Variants in SPRED2 observed in about 807,000 individuals in gnomAD.
The protein encoded by SPRED2 is sprouty related EVH1 domain containing 2, also known as sprouty-related, EVH1 domain-containing protein 2.
Under a neutral mutation model 43.0 loss-of-function variants are expected in SPRED2, and 47 were observed. That is an observed-to-expected ratio of 1.09 (90% confidence interval 0.87 to 1.40). SPRED2 has a LOEUF of 1.40. Among genes scored for constraint, SPRED2 ranks in the 40% most tolerant of loss-of-function variants. The pLI is 0.00. For synonymous variants in SPRED2, 225 were observed against 225.7 expected, an observed-to-expected ratio of 1.00 and a Z score of 0.03; for missense variants, 561 against 586.4, an observed-to-expected ratio of 0.96 and a Z score of 0.45.
Position 65,314,183 on chromosome 2 carries a change from G to C in SPRED2, c.589-14C>G, listed in dbSNP as rs1032047486. 3 of 1,560,934 alleles carry C rather than the reference G, an allele frequency of 1.9e-6. No individual in the cohort carries two copies. Among genetic ancestry groups the C allele is most frequent in the Non-Finnish European group, 1.7e-6 (2 of 1,149,456 alleles). On this transcript the variant is annotated splice_polypyrimidine_tract_variant and intron_variant, in intron 5 of 5. Transcript: ENST00000356388. ...CCTTGGCATCGGCTGTCCCGTAGGA[G>C]AGGAGACATTATTTTACAGCAGCGG...
chr2:65,388,359 A>T (rs1675551088), intron 1 of SPRED2, among the ~76,000 whole-genome samples: 1 of 152,190 alleles, frequency 6.6e-6, no homozygotes, highest in South Asian at 2.1e-4. Flanking sequence ...AATGACGGTG[A>T]GGTCATGCCA....
At chr2:65,358,362 T>C (rs539129688) in intron 1 of SPRED2, among the ~76,000 whole-genome samples, 1 of 152,338 alleles carries the variant, frequency 6.6e-6, no homozygotes, top group East Asian at 1.9e-4. Flanking sequence ...AGATTCTCTT[T>C]AGCCACATGG....
chr2:65,378,745 C>T (rs1157493966), intron 1 of SPRED2, among the ~76,000 whole-genome samples: 1 of 152,204 alleles, frequency 6.6e-6, no homozygotes, highest in Admixed American at 6.5e-5. Flanking sequence ...CATTGGTTCT[C>T]AAATGTGGCT....
intron 2 of SPRED2, among the ~76,000 whole-genome samples, chr2:65,338,778 G>T (rs1180719213): frequency 6.6e-6 from 1 of 151,520 alleles, no homozygotes; most frequent in Non-Finnish European, 1.5e-5. Context: ...GATGTGAGGA[G>T]CCCCTCTGCC....
intron 1 of SPRED2, 130 bp downstream of exon 1, chr2:65,431,832 G>A (rs1676703495): frequency 1.8e-6 from 2 of 1,136,940 alleles, no homozygotes; most frequent in East Asian, 2.4e-5. Flanking sequence ...GCGTCCCAAC[G>A]CCGAAAGGTC....
chr2:65,345,450 T>C (rs1368461266), intron 1 of SPRED2, among the ~76,000 whole-genome samples: 1 of 151,996 alleles, frequency 6.6e-6, no homozygotes, highest in Non-Finnish European at 1.5e-5. Context: ...TTAGTAGAGA[T>C]GGGGTTTCAC....
At chr2:65,414,518 T>C (rs1676229042) in intron 1 of SPRED2, among the ~76,000 whole-genome samples, 1 of 152,222 alleles carries the variant, frequency 6.6e-6, no homozygotes, top group Non-Finnish European at 1.5e-5. Flanking sequence ...TGGAGGAGTC[T>C]TTCTTCAACC....
In SPRED2 at chr2:65,313,320, G is replaced by C; in HGVS notation, c.*181C>G. 1 of 1,446,002 alleles carries C rather than the reference G, an allele frequency of 6.9e-7. No individual in the cohort carries two copies. The highest frequency in any genetic ancestry group is 9.0e-7 in the Non-Finnish European group (1 of 1,107,196). The allele number at this position is 1,446,002 out of a possible 1,614,324, so 89.6% of individuals were successfully genotyped here. A position where few individuals can be genotyped will look rare whatever the true frequency, so the allele number is the denominator to read the frequency against. On this transcript the variant is annotated 3_prime_UTR_variant, in exon 6 of 6. Transcript: ENST00000356388. ...GCTGCTGCAGTGTGGGCGGCAGGGG[G>C]AGTGGAGAGTCTACCCGGCAGCGTC...
chr2:65,426,266 G>T (rs1023926115), intron 1 of SPRED2, among the ~76,000 whole-genome samples: 1 of 152,206 alleles, frequency 6.6e-6, no homozygotes, highest in East Asian at 1.9e-4. Flanking sequence ...GAGGCTCAAT[G>T]TGAACATGGT....
At chr2:65,372,372 A>C (rs1675145328) in intron 1 of SPRED2, among the ~76,000 whole-genome samples, 1 of 152,194 alleles carries the variant, frequency 6.6e-6, no homozygotes, top group South Asian at 2.1e-4. Context: ...AGAATCCAAA[A>C]TACATTAGAA....
intron 2 of SPRED2, among the ~76,000 whole-genome samples, chr2:65,342,165 C>CGT (rs1558659945): frequency 7.4e-5 from 11 of 147,666 alleles, no homozygotes; most frequent in African/African-American, 2.2e-4. Flanking sequence ...ATTTTATATA[C>CGT]ATATATTATG....
Position 65,402,524 on chromosome 2 carries a change from A to T in SPRED2, c.26+29438T>A, listed in dbSNP as rs146489164. Among the ~76,000 whole-genome samples, 18 of 152,284 alleles carry T rather than the reference A, an allele frequency of 1.2e-4. 1 individual carries two copies. The East Asian group carries it at 3.3e-3, about 28-fold the overall frequency. On this transcript the variant is annotated intron_variant, in intron 1 of 5. Transcript: ENST00000356388. ...GCCAGGCTGGAGAAATCAATCTGAG[A>T]GTCATCTGCACACAGATGGGATGTG...
Position 65,348,034 on chromosome 2 carries a change from C to T in SPRED2, c.27-3138G>A, listed in dbSNP as rs950452595. Among the ~76,000 whole-genome samples the T allele has an allele frequency of 4.6e-5, 7 of 152,048 alleles. 1 individual carries two copies. The highest frequency in any genetic ancestry group is 1.0e-4 in the Non-Finnish European group (7 of 67,996). On this transcript the variant is annotated intron_variant, in intron 1 of 5. Coordinates refer to ENST00000356388, the MANE Select transcript of SPRED2 (RefSeq NM_181784.3). ...ACTGAAACAAACCCTCCAGTGGTATCGCCAAGCAGAAGTCAAAATCTGGAC... is the reference window on the plus strand; with the variant it reads ...ACTGAAACAAACCCTCCAGTGGTATTGCCAAGCAGAAGTCAAAATCTGGAC...
chr2:65,374,411 T>C (rs1675192528), intron 1 of SPRED2, among the ~76,000 whole-genome samples: 1 of 152,230 alleles, frequency 6.6e-6, no homozygotes, highest in African/African-American at 2.4e-5. Context: ...GATTCTAAAT[T>C]CATTGTTCTA....
chr2:65,341,554 G>T (rs1674186415), intron 2 of SPRED2, among the ~76,000 whole-genome samples: 1 of 152,160 alleles, frequency 6.6e-6, no homozygotes, highest in South Asian at 2.1e-4. Flanking sequence ...GGCTCTGCTG[G>T]TGACACTGCC....
Position 65,390,416 on chromosome 2 carries a change from A to G in SPRED2, c.26+41546T>C, listed in dbSNP as rs1459349805. On this transcript the variant is annotated intron_variant, in intron 1 of 5. Transcript: ENST00000356388. Reference sequence around the variant, plus strand: ...CTGTGGGACTGGAGTGAGCCTGGCCAGCCCAGAGGTTTGGCGTGGGGAGTA... The same window carrying G: ...CTGTGGGACTGGAGTGAGCCTGGCCGGCCCAGAGGTTTGGCGTGGGGAGTA... 2.0e-5 allele frequency among the ~76,000 whole-genome samples: 3 copies of G among 152,150 alleles called. No homozygotes were observed. In the East Asian group the frequency reaches 5.8e-4, roughly 29 times the overall value.
At chr2:65,367,893 C>T (rs1675023555) in intron 1 of SPRED2, among the ~76,000 whole-genome samples, 1 of 152,086 alleles carries the variant, frequency 6.6e-6, no homozygotes, top group Non-Finnish European at 1.5e-5. Context: ...TTGCTTGACT[C>T]ACTTAATGTT....
intron 1 of SPRED2, among the ~76,000 whole-genome samples, chr2:65,345,766 T>G (rs1674334186): frequency 6.6e-6 from 1 of 152,232 alleles, no homozygotes; most frequent in Admixed American, 6.5e-5. Context: ...ATTTGTAGAC[T>G]TCTGTTTATG....
intron 2 of SPRED2, among the ~76,000 whole-genome samples, chr2:65,342,665 C>G (rs979090769): frequency 6.6e-6 from 1 of 152,076 alleles, no homozygotes; most frequent in African/African-American, 2.4e-5. Flanking sequence ...GGGGAAGAAC[C>G]TTAATATTTG....
Sources: allele counts gnomAD v4.1 joint callset (sites outside exome capture counted in the v4.1 genomes callset), GRCh38; gene constraint gnomAD v4.1.1; transcripts MANE v1.5; gene names NCBI Gene and HGNC (gene_info 2026-07-23, HGNC 2026-07-21).